FGGY: variants seen among roughly 807,000 people sequenced by gnomAD.
FGGY encodes FGGY carbohydrate kinase domain containing, also known as FGGY carbohydrate kinase domain-containing protein.
A neutral mutation model predicts 71.3 loss-of-function variants in FGGY; 72 were observed. The ratio of observed to expected loss-of-function variants is 1.01; its 90% CI spans 0.84 to 1.23. The LOEUF is 1.23. FGGY is among the 50% of genes most tolerant of loss of function. The probability of loss-of-function intolerance (pLI) is 0.00; values close to 1 mark genes in which losing one functional copy is unlikely to be tolerated. For missense variants in FGGY, 668 were observed against 682.3 expected (o/e 0.98, Z 0.23); for synonymous variants, 251 against 250.3 (o/e 1.00, Z -0.02).
chr1:59,647,146 G>A lies in FGGY; in HGVS notation c.1221+8771G>A, dbSNP rs557534405. 5.3e-4 allele frequency among the ~76,000 whole-genome samples: 80 copies of A among 152,282 alleles called. 1 individual carries two copies. Among genetic ancestry groups the A allele is most frequent in the South Asian group, 2.1e-3 (10 of 4,828 alleles). On this transcript the variant is annotated intron_variant, in intron 11 of 15. Transcript: ENST00000303721. ...AGGTCCAAGACATAAACAATGCAAA[G>A]GAACTAAGGCCAGAGGACCAAGGAT...
chr1:59,315,910 T>G (rs1411496887), intron 1 of FGGY, among the ~76,000 whole-genome samples: 1 of 152,172 alleles, frequency 6.6e-6, no homozygotes, highest in East Asian at 1.9e-4. Flanking sequence ...TTAAGAAATT[T>G]TCATGTTTAG....
At chr1:59,383,786 A>C (rs2059762218) in intron 5 of FGGY, among the ~76,000 whole-genome samples, 1 of 152,128 alleles carries the variant, frequency 6.6e-6, no homozygotes, top group African/African-American at 2.4e-5. Flanking sequence ...TCTACCTACG[A>C]TCTGGAAGCC....
intron 7 of FGGY, among the ~76,000 whole-genome samples, chr1:59,552,386 C>T (rs2095621408): frequency 6.6e-6 from 1 of 152,194 alleles, no homozygotes; most frequent in Non-Finnish European, 1.5e-5. Flanking sequence ...TGATAACTAA[C>T]ACAGAAAGTT....
At chr1:59,386,511 G>T (rs950339780) in intron 5 of FGGY, among the ~76,000 whole-genome samples, 2 of 151,974 alleles carry the variant, frequency 1.3e-5, no homozygotes, top group Non-Finnish European at 2.9e-5. Flanking sequence ...ATATTGTCAG[G>T]TTTCTCCACT....
chr1:59,320,475 G>C (rs1277532672), intron 1 of FGGY, among the ~76,000 whole-genome samples: 3 of 152,120 alleles, frequency 2.0e-5, no homozygotes, highest in Non-Finnish European at 4.4e-5. Flanking sequence ...AGTTGTGTTG[G>C]GGGCTTGTTC....
At chr1:59,534,215 A>G (rs1016540138) in intron 7 of FGGY, among the ~76,000 whole-genome samples, 52 of 152,304 alleles carry the variant, frequency 3.4e-4, no homozygotes, top group African/African-American at 1.1e-3. Flanking sequence ...GCGATCACCT[A>G]GAAGAAAGGG....
chr1:59,494,845 TG>T (rs1176314902), intron 6 of FGGY, among the ~76,000 whole-genome samples: 2 of 152,192 alleles, frequency 1.3e-5, no homozygotes, highest in Non-Finnish European at 2.9e-5. Context: ...TATATTCCTT[TG>T]GGTATATACC....
chr1:59,682,125 T>C (rs1413386247), intron 14 of FGGY, among the ~76,000 whole-genome samples: 2 of 152,138 alleles, frequency 1.3e-5, no homozygotes, highest in Non-Finnish European at 2.9e-5. Flanking sequence ...TATAATATTA[T>C]AATAATTTTA....
intron 14 of FGGY, among the ~76,000 whole-genome samples, chr1:59,730,806 T>C (rs2098017653): frequency 6.6e-6 from 1 of 152,126 alleles, no homozygotes; most frequent in Non-Finnish European, 1.5e-5. Context: ...TTGTAAACAA[T>C]GAGTAGCTGT....
chr1:59,575,618 A>G (rs2096064048), intron 8 of FGGY, among the ~76,000 whole-genome samples: 1 of 152,166 alleles, frequency 6.6e-6, no homozygotes, highest in Non-Finnish European at 1.5e-5. Flanking sequence ...TACACCCAGA[A>G]GTAGAATTGC....
intron 14 of FGGY, among the ~76,000 whole-genome samples, chr1:59,731,457 C>T (rs2098027997): frequency 6.6e-6 from 1 of 152,192 alleles, no homozygotes; most frequent in Non-Finnish European, 1.5e-5. Context: ...GAAGCTGACG[C>T]CATGAGTCCT....
In FGGY at chr1:59,698,929, G is replaced by A. The variant is rs181142839; in HGVS notation, c.1512+24796G>A. The A allele has an allele frequency of 2.9e-4, 281 of 985,362 alleles. 2 individuals carry two copies. Among genetic ancestry groups the A allele is most frequent in the Non-Finnish European group, 2.1e-4 (175 of 829,892 alleles). 61.0% of individuals were successfully genotyped at this position (985,362 alleles called of 1,614,324 possible). On this transcript the variant is annotated intron_variant, in intron 14 of 15. Coordinates refer to ENST00000303721, the MANE Select transcript of FGGY (RefSeq NM_018291.5). ...CTGATTCCTAAATATGCTCCTAGCA[G>A]CCAGGTATTATTTAATACATCCCCA...
rs529005141 is a variant in FGGY, at chr1:59,349,592, C to A, written c.465+3194C>A. On this transcript the variant is annotated intron_variant, in intron 4 of 15. Coordinates refer to ENST00000303721, the MANE Select transcript of FGGY (RefSeq NM_018291.5). ...CTAGATTACATGGCAGTGTTTGTGACCCTCTGAGAACATCTTATATTAATT... is the reference window on the plus strand; with the variant it reads ...CTAGATTACATGGCAGTGTTTGTGAACCTCTGAGAACATCTTATATTAATT... 1.1e-4 allele frequency among the ~76,000 whole-genome samples: 17 copies of A among 152,236 alleles called. No individual in the cohort carries two copies. In the South Asian group the frequency reaches 3.5e-3, roughly 32 times the overall value.
intron 14 of FGGY, among the ~76,000 whole-genome samples, chr1:59,675,175 A>G (rs1264000538): frequency 6.6e-6 from 1 of 152,118 alleles, no homozygotes; most frequent in Non-Finnish European, 1.5e-5. Flanking sequence ...TTCAAGAGAT[A>G]TTTGTTCAGC....
chr1:59,462,918 G>C (rs1358759091), intron 6 of FGGY, among the ~76,000 whole-genome samples: 1 of 151,658 alleles, frequency 6.6e-6, no homozygotes, highest in Non-Finnish European at 1.5e-5. Flanking sequence ...CAGGGATCTA[G>C]AACTAGAAAT....
chr1:59,632,597 G>A (rs1487937552), intron 10 of FGGY, among the ~76,000 whole-genome samples: 1 of 152,144 alleles, frequency 6.6e-6, no homozygotes. Flanking sequence ...GGAAAAAAAG[G>A]ACAATAACAT....
chr1:59,541,416 G>T (rs939801041), intron 7 of FGGY, among the ~76,000 whole-genome samples: 1 of 152,144 alleles, frequency 6.6e-6, no homozygotes, highest in African/African-American at 2.4e-5. Flanking sequence ...CAGCACAGCA[G>T]GTGCTGCCAG....
intron 4 of FGGY, among the ~76,000 whole-genome samples, chr1:59,359,040 G>A (rs1020344630): frequency 6.6e-6 from 1 of 152,224 alleles, no homozygotes; most frequent in South Asian, 2.1e-4. Flanking sequence ...AGGTTAGCTG[G>A]TCAAACACCA....
chr1:59,378,916 C>T, intron 5 of FGGY, 79 bp downstream of exon 5: 1 of 1,185,382 alleles, frequency 8.4e-7, no homozygotes, highest in Non-Finnish European at 1.2e-6. Flanking sequence ...TCTTAACTCT[C>T]TTTGACTGGA....
Sources: allele counts gnomAD v4.1 joint callset (sites outside exome capture counted in the v4.1 genomes callset), GRCh38; gene constraint gnomAD v4.1.1; transcripts MANE v1.5; gene names NCBI Gene and HGNC (gene_info 2026-07-23, HGNC 2026-07-21).